The following ATPSCKMT variants were observed in gnomAD, a reference collection of about 807,000 sequenced individuals.
ATPSCKMT encodes the protein ATP synthase subunit C lysine N-methyltransferase.
Under a neutral mutation model 24.3 loss-of-function variants are expected in ATPSCKMT, and 24 were observed. The observed-to-expected ratio is 0.99, with a 90% CI of 0.71 to 1.39. ATPSCKMT has a LOEUF of 1.39. Ranked by LOEUF, ATPSCKMT falls within the 40% of genes most tolerant of loss-of-function variation. ATPSCKMT has a pLI of 0.00. For synonymous variants in ATPSCKMT, 95 were observed against 110.5 expected (o/e 0.86, Z 0.88); for missense variants, 311 against 298.4 (o/e 1.04, Z -0.31).
chr5:10,249,721 G>T, intron 1 of ATPSCKMT, 137 bp downstream of exon 1: 4 of 1,352,276 alleles, frequency 3.0e-6, no homozygotes, highest in Non-Finnish European at 3.0e-6. Context: ...GTCACCGAAG[G>T]CCAGGCTGGA....
intron 4 of ATPSCKMT, among the ~76,000 whole-genome samples, chr5:10,228,751 C>T (rs954139963): frequency 3.3e-5 from 5 of 151,886 alleles, no homozygotes; most frequent in Non-Finnish European, 7.4e-5. Context: ...GTGATCTTGG[C>T]TCAATGCAAC....
intron 1 of ATPSCKMT, among the ~76,000 whole-genome samples, chr5:10,244,758 A>G (rs1205129763): frequency 6.6e-6 from 1 of 152,028 alleles, no homozygotes; most frequent in Non-Finnish European, 1.5e-5. Context: ...CAAAAAATAA[A>G]TTAGCCATGT....
intron 4 of ATPSCKMT, among the ~76,000 whole-genome samples, chr5:10,232,423 T>G (rs969941141): frequency 1.3e-5 from 2 of 152,256 alleles, no homozygotes; most frequent in African/African-American, 4.8e-5. Flanking sequence ...TCCCTGCCCC[T>G]GAGCTGATGG....
intron 1 of ATPSCKMT, among the ~76,000 whole-genome samples, chr5:10,240,815 G>A: frequency 6.6e-6 from 1 of 151,916 alleles, no homozygotes; most frequent in East Asian, 1.9e-4. Context: ...GACCAACATG[G>A]AGAAACCCCA....
In ATPSCKMT at chr5:10,232,929, A is replaced by G. The variant is rs1260831352; in HGVS notation, c.495+2282T>C. ...CTCAGTGCGTAAGCTCATGTTAAAC[A>G]TGGATGTTCACAACCCCACAACTGG... On this transcript the variant is annotated intron_variant, in intron 4 of 4. Coordinates refer to ENST00000511437, the MANE Select transcript of ATPSCKMT (RefSeq NM_199133.4). Among the ~76,000 whole-genome samples, 3 of 152,388 alleles carry G rather than the reference A, an allele frequency of 2.0e-5. No homozygotes were observed. The East Asian group carries it at 5.8e-4, about 29-fold the overall frequency.
At chr5:10,238,948 G>A (rs1744497052) in intron 2 of ATPSCKMT, 119 bp downstream of exon 2, 1 of 1,243,306 alleles carries the variant, frequency 8.0e-7, no homozygotes, top group Non-Finnish European at 1.1e-6. Context: ...AACATAAAAT[G>A]AAATGAGCAC....
chr5:10,247,909 T>C (rs1010304267), intron 1 of ATPSCKMT, among the ~76,000 whole-genome samples: 3 of 152,206 alleles, frequency 2.0e-5, no homozygotes, highest in African/African-American at 7.2e-5. Flanking sequence ...TGCTTGCTTA[T>C]TGACTTCTAA....
intron 1 of ATPSCKMT, among the ~76,000 whole-genome samples, chr5:10,240,801 G>A (rs1396315980): frequency 2.0e-5 from 3 of 152,014 alleles, no homozygotes; most frequent in Non-Finnish European, 2.9e-5. Context: ...TTTGAGACCA[G>A]CCTGACCAAC....
chr5:10,243,430 T>C (rs1744741222), intron 1 of ATPSCKMT, among the ~76,000 whole-genome samples: 2 of 151,844 alleles, frequency 1.3e-5, no homozygotes, highest in South Asian at 2.1e-4. Flanking sequence ...GTTGCAGTGA[T>C]CAGGCCACTG....
intron 4 of ATPSCKMT, among the ~76,000 whole-genome samples, chr5:10,233,618 A>C (rs1744251288): frequency 6.6e-6 from 1 of 150,398 alleles, no homozygotes; most frequent in Non-Finnish European, 1.5e-5. Context: ...CAAACATGGT[A>C]AGAAGCACCC....
chr5:10,241,907 C>A (rs112411697), intron 1 of ATPSCKMT, among the ~76,000 whole-genome samples: 2,399 of 152,222 alleles, frequency 0.016, 36 homozygotes, highest in Non-Finnish European at 0.024. Context: ...AATGTATGTA[C>A]CTTAATTTTA....
chr5:10,246,524 C>G (rs1744937371), intron 1 of ATPSCKMT, among the ~76,000 whole-genome samples: 1 of 152,038 alleles, frequency 6.6e-6, no homozygotes, highest in African/African-American at 2.4e-5. Context: ...GTGTGGACTT[C>G]TGTAACTGAC....
chr5:10,235,196 A>G lies in ATPSCKMT; in HGVS notation c.495+15T>C. On this transcript the variant is annotated intron_variant, in intron 4 of 4. Transcript: ENST00000511437. ...CATCTAACCCCAAACAGAGAGCAGG[A>G]AAGTGCATACTCACCATCTGAGGCA... 2 of 1,613,474 alleles carry G rather than the reference A, an allele frequency of 1.2e-6. No homozygotes were observed. Among genetic ancestry groups the G allele is most frequent in the South Asian group, 2.2e-5 (2 of 91,014 alleles).
intron 1 of ATPSCKMT, among the ~76,000 whole-genome samples, chr5:10,242,107 A>C (rs551335075): frequency 6.6e-6 from 1 of 152,284 alleles, no homozygotes; most frequent in South Asian, 2.1e-4. Context: ...TGGTTGCCGA[A>C]GGTTGGGGTC....
At chr5:10,245,516 C>T (rs548157011) in intron 1 of ATPSCKMT, among the ~76,000 whole-genome samples, 13 of 152,050 alleles carry the variant, frequency 8.5e-5, no homozygotes, top group South Asian at 2.1e-4. Flanking sequence ...GAGGCTGAGG[C>T]GGGTGGATCA....
At chr5:10,248,541 A>G (rs1745069155) in intron 1 of ATPSCKMT, 4 of 152,264 alleles carry the variant, frequency 2.6e-5, no homozygotes. Flanking sequence ...CAACCATCCC[A>G]TGACAGTCAG....
At chr5:10,231,910 C>T (rs574151556) in intron 4 of ATPSCKMT, among the ~76,000 whole-genome samples, 1 of 152,308 alleles carries the variant, frequency 6.6e-6, no homozygotes, top group South Asian at 2.1e-4. Context: ...TTTTGTTCAT[C>T]AGTTCATAAA....
chr5:10,247,658 C>G (rs1744994645), intron 1 of ATPSCKMT, among the ~76,000 whole-genome samples: 1 of 152,198 alleles, frequency 6.6e-6, no homozygotes, highest in South Asian at 2.1e-4. Context: ...AAATCAGGCC[C>G]TGAATATTCA....
chr5:10,240,070 CA>C (rs35083577), intron 1 of ATPSCKMT, among the ~76,000 whole-genome samples: 22,445 of 141,524 alleles, frequency 0.16, 1,804 homozygotes, highest in African/African-American at 0.18. Context: ...ACTAAAAATA[CA>C]AAAAAAAAAA....
Sources: gnomAD v4.1 joint callset for allele counts (sites outside exome capture counted in the v4.1 genomes callset) on GRCh38, gnomAD v4.1.1 for gene constraint, MANE v1.5 for transcripts, NCBI Gene and HGNC (gene_info 2026-07-23, HGNC 2026-07-21) for gene names.